The following LHFPL6 variants were observed in gnomAD, a reference collection of about 807,000 sequenced individuals.
The protein encoded by LHFPL6 is LHFPL tetraspan subfamily member 6 protein.
LHFPL6 carries 9 observed loss-of-function variants against 20.6 expected under a neutral mutation model. That is an observed-to-expected ratio of 0.44 (90% confidence interval 0.26 to 0.76). The LOEUF is 0.76. Among genes scored for constraint, LHFPL6 ranks in the 30% least tolerant of loss-of-function variants. LHFPL6 has a pLI of 0.20. For synonymous variants in LHFPL6, 105 were observed against 98.7 expected, an observed-to-expected ratio of 1.06 and a Z score of -0.38; for missense variants, 218 against 253.5, an observed-to-expected ratio of 0.86 and a Z score of 0.95.
chr13:39,425,370 A>G (rs1871611466), intron 2 of LHFPL6, among the ~76,000 whole-genome samples: 1 of 152,236 alleles, frequency 6.6e-6, no homozygotes, highest in South Asian at 2.1e-4. Context: ...AAGCTGCTAT[A>G]AACATTTGTA....
At chr13:39,582,426 G>C in intron 2 of LHFPL6, among the ~76,000 whole-genome samples, 1 of 152,172 alleles carries the variant, frequency 6.6e-6, no homozygotes, top group East Asian at 1.9e-4. Context: ...GGCCATTAAG[G>C]AAATCAATGC....
intron 2 of LHFPL6, among the ~76,000 whole-genome samples, chr13:39,389,633 T>A (rs1019927851): frequency 6.6e-6 from 1 of 152,074 alleles, no homozygotes; most frequent in Non-Finnish European, 1.5e-5. Flanking sequence ...GGTGTGACCA[T>A]CAGAGCAACG....
chr13:39,523,405 T>C (rs1870176350), intron 2 of LHFPL6, among the ~76,000 whole-genome samples: 2 of 152,150 alleles, frequency 1.3e-5, no homozygotes, highest in South Asian at 4.2e-4. Flanking sequence ...CCGTCTCTAC[T>C]AAAAATACAA....
At position 39,344,413 on chromosome 13, in the gene LHFPL6, T is replaced by C. The variant is rs188460233; in HGVS notation, c.485-359A>G. Reference sequence around the variant, plus strand: ...AGCTCACCTGCGTAACAAAGTACTTTAGGGAAAAAAATATAAATGTTGATG... The same window carrying C: ...AGCTCACCTGCGTAACAAAGTACTTCAGGGAAAAAAATATAAATGTTGATG... On this transcript the variant is annotated intron_variant, in intron 3 of 3. Transcript: ENST00000379589. Among the ~76,000 whole-genome samples the C allele has an allele frequency of 4.8e-3, 733 of 152,172 alleles. 4 individuals carry two copies. Among genetic ancestry groups the C allele is most frequent in the Non-Finnish European group, 5.2e-3 (353 of 68,008 alleles).
At chr13:39,420,538 C>T (rs951049189) in intron 2 of LHFPL6, among the ~76,000 whole-genome samples, 1 of 152,146 alleles carries the variant, frequency 6.6e-6, no homozygotes, top group African/African-American at 2.4e-5. Flanking sequence ...ACCCAAGACT[C>T]CCTTCCAGAA....
intron 2 of LHFPL6, among the ~76,000 whole-genome samples, chr13:39,465,688 G>A (rs1375373219): frequency 6.6e-6 from 1 of 152,012 alleles, no homozygotes; most frequent in Non-Finnish European, 1.5e-5. Context: ...TCATCTGTAG[G>A]AAAAAGAAGT....
chr13:39,421,316 T>C (rs1483461217), intron 2 of LHFPL6, among the ~76,000 whole-genome samples: 1 of 152,212 alleles, frequency 6.6e-6, no homozygotes, highest in Non-Finnish European at 1.5e-5. Flanking sequence ...ATATAACCAA[T>C]AATTTAAAAA....
chr13:39,405,579 ACCATTC>A (rs1871096983), intron 2 of LHFPL6, among the ~76,000 whole-genome samples: 1 of 152,192 alleles, frequency 6.6e-6, no homozygotes, highest in Admixed American at 6.5e-5. Context: ...TCCACAAACT[ACCATTC>A]CTACATTCAG....
At chr13:39,521,954 T>C (rs929076819) in intron 2 of LHFPL6, among the ~76,000 whole-genome samples, 3 of 152,166 alleles carry the variant, frequency 2.0e-5, no homozygotes, top group Non-Finnish European at 4.4e-5. Context: ...CTGTCACTAT[T>C]CTCTTTTACA....
intron 2 of LHFPL6, among the ~76,000 whole-genome samples, chr13:39,392,570 G>C (rs562540854): frequency 1.9e-3 from 286 of 151,896 alleles, no homozygotes; most frequent in African/African-American, 6.6e-3. Context: ...CTCCAGCCTG[G>C]GCAACAAGAG....
intron 2 of LHFPL6, among the ~76,000 whole-genome samples, chr13:39,463,165 A>G (rs1872726553): frequency 6.6e-6 from 1 of 152,188 alleles, no homozygotes; most frequent in East Asian, 1.9e-4. Context: ...GCAAGAGTAC[A>G]GAATCAACTA....
At chr13:39,423,988 G>A (rs1384989293) in intron 2 of LHFPL6, among the ~76,000 whole-genome samples, 1 of 152,158 alleles carries the variant, frequency 6.6e-6, no homozygotes, top group Non-Finnish European at 1.5e-5. Flanking sequence ...GGGAGTGGCA[G>A]GAGCTACAGT....
chr13:39,548,516 A>T (rs138259825), intron 2 of LHFPL6, among the ~76,000 whole-genome samples: 1 of 152,006 alleles, frequency 6.6e-6, no homozygotes, highest in Admixed American at 6.6e-5. Flanking sequence ...TCTTCAAACA[A>T]CTCAGAGTTA....
intron 2 of LHFPL6, among the ~76,000 whole-genome samples, chr13:39,450,501 T>A (rs565188524): frequency 2.6e-5 from 4 of 152,146 alleles, no homozygotes; most frequent in African/African-American, 9.7e-5. Flanking sequence ...TATGTGTATG[T>A]GGGTGTGTGG....
At chr13:39,504,966 A>G (rs1459974705) in intron 2 of LHFPL6, among the ~76,000 whole-genome samples, 1 of 152,246 alleles carries the variant, frequency 6.6e-6, no homozygotes, top group Admixed American at 6.5e-5. Flanking sequence ...ATTAAAATGA[A>G]TTTAACTACA....
intron 2 of LHFPL6, among the ~76,000 whole-genome samples, chr13:39,535,165 T>C (rs960643114): frequency 1.3e-5 from 2 of 152,250 alleles, no homozygotes; most frequent in African/African-American, 2.4e-5. Flanking sequence ...CCATCATATA[T>C]TGGAGAAGGG....
intron 2 of LHFPL6, among the ~76,000 whole-genome samples, chr13:39,415,272 CTGGGCATGAATCCCGT>C: frequency 6.6e-6 from 1 of 152,286 alleles, no homozygotes; most frequent in East Asian, 1.9e-4. Flanking sequence ...AATAACTCAG[CTGGGCATGAATCCCGT>C]TGGATTTCTG....
chr13:39,516,641 T>C (rs1869929608), intron 2 of LHFPL6, among the ~76,000 whole-genome samples: 3 of 152,220 alleles, frequency 2.0e-5, no homozygotes, highest in Admixed American at 2.0e-4. Flanking sequence ...CAACAGGGAC[T>C]GAAAGAAAAC....
chr13:39,511,246 G>A (rs946705194), intron 2 of LHFPL6, among the ~76,000 whole-genome samples: 1 of 152,046 alleles, frequency 6.6e-6, no homozygotes, highest in African/African-American at 2.4e-5. Flanking sequence ...GGCTACTTCT[G>A]TATCCACTTT....
Sources: allele counts gnomAD v4.1 joint callset (sites outside exome capture counted in the v4.1 genomes callset), GRCh38; gene constraint gnomAD v4.1.1; transcripts MANE v1.5; gene names NCBI Gene and HGNC (gene_info 2026-07-23, HGNC 2026-07-21).